Variants in SRI observed in about 807,000 individuals in gnomAD.
SRI encodes sorcin.
A neutral mutation model predicts 33.3 loss-of-function variants in SRI; 30 were observed. The observed-to-expected ratio is 0.90, with a 90% CI of 0.67 to 1.22. The LOEUF (loss-of-function observed/expected upper bound fraction) is 1.22. SRI is among the 50% of genes most tolerant of loss of function. The probability of loss-of-function intolerance (pLI) is 0.00; values close to 1 mark genes in which losing one functional copy is unlikely to be tolerated. For missense variants in SRI, 243 were observed against 250.8 expected (o/e 0.97, Z 0.21); for synonymous variants, 75 against 89.9 (o/e 0.83, Z 0.94).
intron 7 of SRI, chr7:88,208,185 G>A (rs931315862): frequency 1.5e-5 from 4 of 258,958 alleles, no homozygotes; most frequent in Admixed American, 5.2e-5. Flanking sequence ...ATGGCTCAGT[G>A]AAAAAGGCAT....
chr7:88,209,855 A>G (rs1400439817), intron 5 of SRI, 128 bp downstream of exon 5: 3 of 1,252,210 alleles, frequency 2.4e-6, no homozygotes, highest in Non-Finnish European at 3.5e-6. Context: ...AGCTCAGGCA[A>G]TCCACCCTCC....
At chr7:88,212,396 G>A (rs545403094) in intron 3 of SRI, among the ~76,000 whole-genome samples, 2 of 152,298 alleles carry the variant, frequency 1.3e-5, no homozygotes, top group African/African-American at 2.4e-5. Flanking sequence ...AAGTTGTGTG[G>A]AGGTATGAAG....
rs541445129 is a variant in SRI, at chr7:88,214,272, G to C, written c.205+2850C>G. Among the ~76,000 whole-genome samples, 4 of 152,336 alleles carry C rather than the reference G, an allele frequency of 2.6e-5. No homozygotes were observed. In the South Asian group the frequency reaches 8.3e-4, roughly 32 times the overall value. ...GTAGAAGGCCTAGGACAGGCAAAGC[G>C]TAAGTGAATAGCTCAATATGACTTT... On this transcript the variant is annotated intron_variant, in intron 3 of 7. Transcript: ENST00000265729.
upstream of SRI, chr7:88,220,193 C>T (rs563867976): frequency 1.7e-5 from 22 of 1,313,998 alleles, no homozygotes; most frequent in Admixed American, 4.6e-4. Context: ...GCCGTGGCTC[C>T]CCTGCCTGCG....
chr7:88,214,753 GTTAATT>G (rs1467958846), intron 3 of SRI: 1 of 641,176 alleles, frequency 1.6e-6, no homozygotes, highest in Non-Finnish European at 1.9e-6. Context: ...ATTAAATAAT[GTTAATT>G]TTAATAATTT....
chr7:88,220,392 T>C (rs1851864241), upstream of SRI, among the ~76,000 whole-genome samples: 1 of 151,906 alleles, frequency 6.6e-6, no homozygotes, highest in South Asian at 2.1e-4. Flanking sequence ...TTGGCTATTA[T>C]CTGGCACATT....
chr7:88,221,723 AC>A (rs1851891991), upstream of SRI, among the ~76,000 whole-genome samples: 3 of 152,264 alleles, frequency 2.0e-5, no homozygotes, highest in South Asian at 6.2e-4. Flanking sequence ...GTTTTAGGGT[AC>A]ATGTGAACAT....
chr7:88,219,108 C>A (rs772123490), intron 1 of SRI, 166 bp from the exon 2 acceptor site: 11 of 656,176 alleles, frequency 1.7e-5, no homozygotes, highest in Non-Finnish European at 3.0e-5. Context: ...CCCTCTCTTC[C>A]ATTCACACCC....
upstream of SRI, chr7:88,220,199 C>G (rs531159357): frequency 4.5e-4 from 593 of 1,313,970 alleles, 2 homozygotes; most frequent in African/African-American, 8.7e-3. Context: ...GCTCCCCTGC[C>G]TGCGCGCTTC....
intron 1 of SRI, among the ~76,000 whole-genome samples, chr7:88,226,665 T>C (rs1246108808): frequency 6.6e-6 from 1 of 152,218 alleles, no homozygotes; most frequent in Non-Finnish European, 1.5e-5. Flanking sequence ...TGGGAGCTTC[T>C]TAATTAAAAT....
At chr7:88,224,036 G>C (rs1031216285), upstream of SRI, among the ~76,000 whole-genome samples, 9 of 152,174 alleles carry the variant, frequency 5.9e-5, no homozygotes, top group African/African-American at 1.7e-4. Context: ...AAACCTTTCT[G>C]ATCATATACT....
At chr7:88,217,056 A>C in intron 3 of SRI, 66 bp downstream of exon 3, 1 of 1,432,734 alleles carries the variant, frequency 7.0e-7, no homozygotes, top group Non-Finnish European at 9.9e-7. Flanking sequence ...GGCTGTAATC[A>C]CAAGTAACAG....
chr7:88,208,222 A>T, intron 7 of SRI: 1 of 445,654 alleles, frequency 2.2e-6, no homozygotes, highest in Non-Finnish European at 3.5e-6. Context: ...TTATTCATAT[A>T]GTGTCACAGC....
intron 3 of SRI, among the ~76,000 whole-genome samples, chr7:88,215,842 A>G (rs2115784328): frequency 6.6e-6 from 1 of 152,368 alleles, no homozygotes; most frequent in East Asian, 1.9e-4. Flanking sequence ...TTTTGTCTCA[A>G]TTAACAACTG....
chr7:88,210,577 TG>T, intron 4 of SRI: 1 of 392,368 alleles, frequency 2.5e-6, no homozygotes. Context: ...AAGTGGGATG[TG>T]AAAAATCCCA....
At chr7:88,219,327 GGCTGGA>G (rs1423115873) in intron 1 of SRI, 13 of 294,864 alleles carry the variant, frequency 4.4e-5, no homozygotes, top group African/African-American at 2.6e-4. Context: ...AACGATGGAA[GGCTGGA>G]GTTGGTAACA....
At chr7:88,215,565 A>G (rs1851687100) in intron 3 of SRI, among the ~76,000 whole-genome samples, 2 of 152,240 alleles carry the variant, frequency 1.3e-5, no homozygotes, top group African/African-American at 4.8e-5. Flanking sequence ...AAAAGTGCTT[A>G]TTTTGTTTAG....
chr7:88,209,525 C>T, intron 5 of SRI, 73 bp from the exon 6 acceptor site: 1 of 1,211,326 alleles, frequency 8.3e-7, no homozygotes, highest in East Asian at 2.4e-5. Flanking sequence ...TAATCAAGCA[C>T]TATTTTATTT....
chr7:88,225,226 G>GGAAGCT (rs1224076816), intron 1 of SRI, among the ~76,000 whole-genome samples: 2 of 152,150 alleles, frequency 1.3e-5, no homozygotes, highest in Non-Finnish European at 2.9e-5. Context: ...GGATTAACCA[G>GGAAGCT]GAAGCTGATG....
Sources: allele counts gnomAD v4.1 joint callset (sites outside exome capture counted in the v4.1 genomes callset), GRCh38; gene constraint gnomAD v4.1.1; transcripts MANE v1.5; gene names NCBI Gene and HGNC (gene_info 2026-07-23, HGNC 2026-07-21).